Variants in AUTS2 observed in about 807,000 individuals in gnomAD.
The protein encoded by AUTS2 is activator of transcription and developmental regulator AUTS2.
In AUTS2, 17 loss-of-function variants were observed where a neutral mutation model predicts 112.4. The observed-to-expected ratio is 0.15, with a 90% CI of 0.10 to 0.23. The LOEUF (loss-of-function observed/expected upper bound fraction) is 0.23. Ranked by LOEUF, AUTS2 falls within the 10% of genes least tolerant of loss-of-function variation. AUTS2 has a pLI of 1.00. For synonymous variants in AUTS2, 751 were observed against 702.7 expected, an observed-to-expected ratio of 1.07 and a Z score of -1.09; for missense variants, 1,510 against 1,701.6, an observed-to-expected ratio of 0.89 and a Z score of 1.98.
intron 5 of AUTS2, among the ~76,000 whole-genome samples, chr7:70,524,687 A>G (rs1354344334): frequency 6.6e-6 from 1 of 152,204 alleles, no homozygotes; most frequent in Non-Finnish European, 1.5e-5. Context: ...CTATTACTCC[A>G]GTTCATTAAA....
At chr7:70,418,075 CTGTGTGTGTGTGTG>C (rs34869843) in intron 4 of AUTS2, among the ~76,000 whole-genome samples, 2 of 136,368 alleles carry the variant, frequency 1.5e-5, no homozygotes, top group Admixed American at 7.3e-5. Context: ...GGCTAACTTT[CTGTGTGTGTGTGTG>C]TGTGTGTGTG....
intron 4 of AUTS2, among the ~76,000 whole-genome samples, chr7:70,353,618 T>A (rs1445451929): frequency 6.6e-6 from 1 of 152,170 alleles, no homozygotes; most frequent in Non-Finnish European, 1.5e-5. Context: ...CATTACCCAC[T>A]GTTCATAAAG....
At chr7:69,681,205 T>G (rs1372092058) in intron 1 of AUTS2, among the ~76,000 whole-genome samples, 1 of 152,260 alleles carries the variant, frequency 6.6e-6, no homozygotes, top group Non-Finnish European at 1.5e-5. Flanking sequence ...AATTAGTGCT[T>G]CTATGAACAC....
chr7:70,027,384 G>A (rs1280085694), intron 2 of AUTS2, among the ~76,000 whole-genome samples: 1 of 151,946 alleles, frequency 6.6e-6, no homozygotes, highest in African/African-American at 2.4e-5. Flanking sequence ...GTTTATATTT[G>A]TTAGTGTTTC....
chr7:70,547,247 A>G (rs1048776777), intron 5 of AUTS2, among the ~76,000 whole-genome samples: 2 of 152,148 alleles, frequency 1.3e-5, no homozygotes, highest in African/African-American at 4.8e-5. Flanking sequence ...ATGGAACAAT[A>G]CAATGTTGGT....
chr7:69,645,584 T>C (rs745567480), intron 1 of AUTS2, among the ~76,000 whole-genome samples: 1 of 152,180 alleles, frequency 6.6e-6, no homozygotes, highest in Non-Finnish European at 1.5e-5. Flanking sequence ...GTAAAATCCA[T>C]TGAACTGGTG....
At chr7:70,459,737 A>ATGGGCCAGGGATTGGAATG (rs1367960135) in intron 5 of AUTS2, among the ~76,000 whole-genome samples, 3 of 152,164 alleles carry the variant, frequency 2.0e-5, no homozygotes, top group African/African-American at 7.2e-5. Flanking sequence ...CTCAAAGGGG[A>ATGGGCCAGGGATTGGAATG]TGGGCCAGGG....
At chr7:70,641,093 T>C (rs1201278155) in intron 5 of AUTS2, among the ~76,000 whole-genome samples, 2 of 152,192 alleles carry the variant, frequency 1.3e-5, no homozygotes, top group East Asian at 1.9e-4. Context: ...GCCATGCTGG[T>C]CCATTAGATG....
chr7:70,672,394 G>A (rs1339807625), intron 5 of AUTS2, among the ~76,000 whole-genome samples: 2 of 152,180 alleles, frequency 1.3e-5, no homozygotes, highest in Admixed American at 6.5e-5. Context: ...CGGAAGCCCA[G>A]TAACAAAGGG....
At chr7:69,842,827 C>T (rs1482118763) in intron 1 of AUTS2, among the ~76,000 whole-genome samples, 4 of 152,120 alleles carry the variant, frequency 2.6e-5, no homozygotes, top group Non-Finnish European at 2.9e-5. Flanking sequence ...GGTAGCATCA[C>T]CAAAAATAGA....
intron 5 of AUTS2, among the ~76,000 whole-genome samples, chr7:70,555,795 G>A (rs1801221766): frequency 6.8e-6 from 1 of 147,976 alleles, no homozygotes; most frequent in Non-Finnish European, 1.5e-5. Context: ...TTCTGGGGAG[G>A]CCTCAGGAAG....
chr7:69,776,982 ACT>A (rs990230366), intron 1 of AUTS2, among the ~76,000 whole-genome samples: 63 of 152,000 alleles, frequency 4.1e-4, no homozygotes, highest in African/African-American at 1.4e-3. Context: ...GCAGGGAGTC[ACT>A]CTCTGTTTTC....
intron 5 of AUTS2, among the ~76,000 whole-genome samples, chr7:70,575,937 T>C (rs577731990): frequency 6.6e-6 from 1 of 152,296 alleles, no homozygotes; most frequent in South Asian, 2.1e-4. Flanking sequence ...GATTGGGACA[T>C]AGTAATTACT....
In AUTS2 at chr7:69,958,071, C is replaced by A. The variant is rs10267903; in HGVS notation, c.522+58573C>A. Among the ~76,000 whole-genome samples, 321 of 152,278 alleles carry A rather than the reference C, an allele frequency of 2.1e-3. 1 individual carries two copies. Among genetic ancestry groups the A allele is most frequent in the African/African-American group, 7.4e-3 (307 of 41,564 alleles). On this transcript the variant is annotated intron_variant, in intron 2 of 18. Coordinates refer to ENST00000342771, the MANE Select transcript of AUTS2 (RefSeq NM_015570.4). ...TGAGCAGCAACAGCTAGTCCTCACT[C>A]TTTTATTCATTCATTCATTCCTTCA...
intron 2 of AUTS2, among the ~76,000 whole-genome samples, chr7:70,030,225 T>C (rs1800712781): frequency 6.6e-6 from 1 of 152,204 alleles, no homozygotes; most frequent in African/African-American, 2.4e-5. Context: ...GGGCATTTCC[T>C]TGTGAAGTGA....
intron 2 of AUTS2, among the ~76,000 whole-genome samples, chr7:69,975,963 C>T (rs968232581): frequency 6.6e-6 from 1 of 152,126 alleles, no homozygotes. Flanking sequence ...CAGGCTTGAA[C>T]CATCTCGCCC....
At chr7:70,082,392 C>T (rs1469110798) in intron 2 of AUTS2, among the ~76,000 whole-genome samples, 1 of 152,180 alleles carries the variant, frequency 6.6e-6, no homozygotes, top group Non-Finnish European at 1.5e-5. Context: ...GCTAAGATCA[C>T]ATGTCTCCCT....
chr7:70,765,675 T>C (rs888871066), intron 8 of AUTS2, among the ~76,000 whole-genome samples: 3 of 152,230 alleles, frequency 2.0e-5, no homozygotes, highest in African/African-American at 7.2e-5. Flanking sequence ...ATTAGTGTGC[T>C]ATCACTGTTC....
intron 2 of AUTS2, among the ~76,000 whole-genome samples, chr7:69,903,785 A>C (rs892452792): frequency 1.3e-5 from 2 of 152,216 alleles, no homozygotes; most frequent in Non-Finnish European, 2.9e-5. Flanking sequence ...GAATTTGTGA[A>C]TATTTCAGGA....
Sources: allele counts gnomAD v4.1 joint callset (sites outside exome capture counted in the v4.1 genomes callset), GRCh38; gene constraint gnomAD v4.1.1; transcripts MANE v1.5; gene names NCBI Gene and HGNC (gene_info 2026-07-23, HGNC 2026-07-21).